Variants in CCDC73 observed in about 807,000 individuals in gnomAD.
The protein encoded by CCDC73 is coiled-coil domain-containing protein 73.
CCDC73 carries 95 observed loss-of-function variants against 116.5 expected under a neutral mutation model. The ratio of observed to expected loss-of-function variants is 0.82; its 90% CI spans 0.69 to 0.97. CCDC73 has a LOEUF of 0.97. CCDC73 is among the 50% of genes least tolerant of loss of function. The pLI is 0.00. For synonymous variants in CCDC73, 398 were observed against 401.3 expected (o/e 0.99, Z 0.10); for missense variants, 1,066 against 1,206.8 (o/e 0.88, Z 1.73).
chr11:32,829,813 A>T, the CCDC73 span: 1 of 985,398 alleles, frequency 1.0e-6, no homozygotes, highest in African/African-American at 1.7e-5. Flanking sequence ...CTGAGAGCGC[A>T]GCGCGGGCTC....
rs528425904 is a variant in CCDC73, at chr11:32,732,526, G to A, written c.136-14379C>T. 2.4e-4 allele frequency among the ~76,000 whole-genome samples: 36 copies of A among 152,160 alleles called. No individual in the cohort carries two copies. The East Asian group carries it at 4.0e-3, about 17-fold the overall frequency. Reference sequence around the variant, plus strand: ...TTAAGGGCAGCCAGAAAGAAACGTCGGGTTACCCACAAAGGGAAGCCCATC... The same window carrying A: ...TTAAGGGCAGCCAGAAAGAAACGTCAGGTTACCCACAAAGGGAAGCCCATC... On this transcript the variant is annotated intron_variant, in intron 2 of 17. Coordinates refer to ENST00000335185, the MANE Select transcript of CCDC73 (RefSeq NM_001008391.4).
chr11:32,653,915 T>A, intron 11 of CCDC73, 63 bp downstream of exon 11: 1 of 1,546,546 alleles, frequency 6.5e-7, no homozygotes, highest in South Asian at 1.2e-5. Context: ...TTCCACTTAT[T>A]TTTTACATTT....
intron 1 of CCDC73, among the ~76,000 whole-genome samples, chr11:32,779,092 C>G (rs1289257518): frequency 1.3e-5 from 2 of 152,042 alleles, no homozygotes; most frequent in African/African-American, 2.4e-5. Context: ...GAATATGTTA[C>G]AGGTATTAAT....
intron 9 of CCDC73, among the ~76,000 whole-genome samples, chr11:32,659,244 A>T (rs1016910087): frequency 6.6e-6 from 1 of 152,118 alleles, no homozygotes; most frequent in Non-Finnish European, 1.5e-5. Context: ...GGTAGAGTGG[A>T]TGGGAGAGTG....
chr11:32,742,940 A>C (rs1293296332), intron 2 of CCDC73, among the ~76,000 whole-genome samples: 1 of 152,206 alleles, frequency 6.6e-6, no homozygotes, highest in Non-Finnish European at 1.5e-5. Context: ...TATGTGTGTC[A>C]GGTTTGTCAA....
chr11:32,770,905 CA>C (rs1850488049), intron 1 of CCDC73, among the ~76,000 whole-genome samples: 1 of 152,100 alleles, frequency 6.6e-6, no homozygotes, highest in Non-Finnish European at 1.5e-5. Flanking sequence ...ATCCAATCAA[CA>C]AAAGTTTTCA....
At chr11:32,640,183 T>A (rs1477699760) in intron 13 of CCDC73, among the ~76,000 whole-genome samples, 1 of 152,226 alleles carries the variant, frequency 6.6e-6, no homozygotes, top group Non-Finnish European at 1.5e-5. Context: ...TTTTTCTTAC[T>A]TATCTATATT....
chr11:32,830,140 CG>C, the CCDC73 span: 1 of 1,005,458 alleles, frequency 9.9e-7, no homozygotes, highest in Admixed American at 5.8e-5. Flanking sequence ...GCCTCTGGCC[CG>C]GGGGCTGCTG....
In CCDC73 at chr11:32,610,611, A is replaced by G. The variant is rs754291352; in HGVS notation, c.3030+521T>C. Among the ~76,000 whole-genome samples, 11 of 152,334 alleles carry G rather than the reference A, an allele frequency of 7.2e-5. No homozygotes were observed. In the East Asian group the frequency reaches 1.5e-3, roughly 21 times the overall value. Reference sequence around the variant, plus strand: ...ATAGTTAGTTGCTTTCTATATGACAAATAGACTCCTGGAAGCCATATAATT... The same window carrying G: ...ATAGTTAGTTGCTTTCTATATGACAGATAGACTCCTGGAAGCCATATAATT... On this transcript the variant is annotated intron_variant, in intron 17 of 17. Coordinates refer to ENST00000335185, the MANE Select transcript of CCDC73 (RefSeq NM_001008391.4).
chr11:32,792,530 T>C (rs934869657), intron 1 of CCDC73, among the ~76,000 whole-genome samples: 5 of 152,232 alleles, frequency 3.3e-5, no homozygotes, highest in African/African-American at 1.2e-4. Flanking sequence ...GAAACCTTTT[T>C]TTATTGAAGC....
the CCDC73 span, among the ~76,000 whole-genome samples, chr11:32,821,016 G>T: frequency 6.6e-6 from 1 of 151,860 alleles, no homozygotes; most frequent in African/African-American, 2.4e-5. Context: ...TTTGTCATTT[G>T]CTTTAATAGT....
chr11:32,658,391 G>A (rs1205313093), intron 9 of CCDC73, among the ~76,000 whole-genome samples: 1 of 152,178 alleles, frequency 6.6e-6, no homozygotes, highest in Non-Finnish European at 1.5e-5. Flanking sequence ...CCAAAAGGCA[G>A]AAAGAACTAA....
intron 17 of CCDC73, among the ~76,000 whole-genome samples, chr11:32,607,079 A>ATT (rs1565054204): frequency 8.4e-6 from 1 of 119,204 alleles, no homozygotes; most frequent in East Asian, 2.3e-4. Context: ...GCCAAAAATA[A>ATT]ATTTTTTTTT....
intron 12 of CCDC73, 135 bp downstream of exon 12, chr11:32,652,988 G>A (rs1855839154): frequency 3.7e-6 from 2 of 538,658 alleles, no homozygotes; most frequent in Non-Finnish European, 6.5e-6. Context: ...GTTGAAGGAA[G>A]TCAATATCTT....
chr11:32,755,536 A>AATATATATATATATATATATAT (rs375204188), intron 2 of CCDC73, among the ~76,000 whole-genome samples: 5 of 59,914 alleles, frequency 8.3e-5, no homozygotes, highest in Non-Finnish European at 1.3e-4. Context: ...TCCATCTCAA[A>AATATATATATATATATATATAT]ATATATATAT....
chr11:32,691,017 A>C (rs1015113012), intron 6 of CCDC73, among the ~76,000 whole-genome samples: 11 of 148,070 alleles, frequency 7.4e-5, no homozygotes, highest in African/African-American at 1.5e-4. Flanking sequence ...CTGTCTTTTT[A>C]TCTCTCCCTC....
chr11:32,754,780 G>A (rs1365385922), intron 2 of CCDC73, among the ~76,000 whole-genome samples: 1 of 151,474 alleles, frequency 6.6e-6, no homozygotes, highest in African/African-American at 2.4e-5. Context: ...AAAAAGGAAA[G>A]GCTAAAAGAG....
intron 7 of CCDC73, chr11:32,681,715 C>T (rs936579197): frequency 1.3e-5 from 2 of 151,938 alleles, no homozygotes; most frequent in African/African-American, 4.8e-5. Flanking sequence ...AACCAAATAA[C>T]ATAAAAGAAT....
At chr11:32,698,412 G>A (rs1849776814) in intron 6 of CCDC73, among the ~76,000 whole-genome samples, 2 of 152,158 alleles carry the variant, frequency 1.3e-5, no homozygotes, top group Admixed American at 6.5e-5. Context: ...ATCATAATTA[G>A]ATTTCAAATA....
Sources: gnomAD v4.1 joint callset for allele counts (sites outside exome capture counted in the v4.1 genomes callset) on GRCh38, gnomAD v4.1.1 for gene constraint, MANE v1.5 for transcripts, NCBI Gene and HGNC (gene_info 2026-07-23, HGNC 2026-07-21) for gene names.